Variants in CNTNAP2 observed in about 807,000 individuals in gnomAD.
The protein encoded by CNTNAP2 is contactin associated protein 2.
In CNTNAP2, 98 loss-of-function variants were observed where a neutral mutation model predicts 155.2. That is an observed-to-expected ratio of 0.63 (90% CI 0.54 to 0.75). The LOEUF is 0.75. CNTNAP2 is among the 30% of genes least tolerant of loss of function. The pLI is 0.00. For synonymous variants in CNTNAP2, 651 were observed against 631.2 expected (o/e 1.03, Z -0.47); for missense variants, 1,727 against 1,688.1 (o/e 1.02, Z -0.40).
At chr7:147,056,904 G>C (rs1205200352) in intron 4 of CNTNAP2, among the ~76,000 whole-genome samples, 1 of 152,010 alleles carries the variant, frequency 6.6e-6, no homozygotes, top group African/African-American at 2.4e-5. Context: ...TGAAGCAACT[G>C]GGACTACAGG....
At chr7:147,591,345 T>G (rs1168012471) in intron 12 of CNTNAP2, among the ~76,000 whole-genome samples, 1 of 152,120 alleles carries the variant, frequency 6.6e-6, no homozygotes, top group Non-Finnish European at 1.5e-5. Context: ...TCTCTTTGTG[T>G]TTTCAAATGG....
chr7:146,484,210 A>G (rs1376189455), intron 1 of CNTNAP2, among the ~76,000 whole-genome samples: 1 of 152,200 alleles, frequency 6.6e-6, no homozygotes, highest in Non-Finnish European at 1.5e-5. Flanking sequence ...AGTGGTGTGT[A>G]CCATTTAGGT....
chr7:146,899,519 C>T (rs75203551), intron 3 of CNTNAP2, among the ~76,000 whole-genome samples: 5,512 of 152,098 alleles, frequency 0.036, 118 homozygotes, highest in Middle Eastern at 0.085. Flanking sequence ...GTATTTTGTG[C>T]CCTTTGTTTT....
At chr7:146,919,922 T>A (rs755845508) in intron 3 of CNTNAP2, among the ~76,000 whole-genome samples, 1 of 152,210 alleles carries the variant, frequency 6.6e-6, no homozygotes, top group Middle Eastern at 3.2e-3. Flanking sequence ...GCTCTGTCCA[T>A]CTAAGTGGGA....
intron 1 of CNTNAP2, among the ~76,000 whole-genome samples, chr7:146,474,179 GTA>G (rs1796839773): frequency 1.3e-5 from 2 of 151,404 alleles, no homozygotes; most frequent in South Asian, 4.2e-4. Context: ...GGACTTCTGT[GTA>G]GATATTATTT....
chr7:147,580,468 C>T (rs1800477625), intron 12 of CNTNAP2, among the ~76,000 whole-genome samples: 1 of 152,182 alleles, frequency 6.6e-6, no homozygotes, highest in Non-Finnish European at 1.5e-5. Flanking sequence ...ACAGTCCATA[C>T]TTAAATGCTG....
chr7:148,091,945 T>C (rs368045092), intron 15 of CNTNAP2, among the ~76,000 whole-genome samples: 1 of 152,136 alleles, frequency 6.6e-6, no homozygotes, highest in South Asian at 2.1e-4. Flanking sequence ...TCCAGAGACA[T>C]GAAAATAAAG....
intron 8 of CNTNAP2, among the ~76,000 whole-genome samples, chr7:147,135,879 G>A (rs1395893560): frequency 6.6e-6 from 1 of 150,858 alleles, no homozygotes; most frequent in Non-Finnish European, 1.5e-5. Context: ...CTTATTTGAA[G>A]TGTTGGAATT....
At chr7:146,774,809 C>A (rs1237620446) in intron 2 of CNTNAP2, among the ~76,000 whole-genome samples, 1 of 152,048 alleles carries the variant, frequency 6.6e-6, no homozygotes, top group Admixed American at 6.6e-5. Context: ...AATGCAAATG[C>A]CCCTTGTAAT....
At chr7:146,686,458 A>G (rs1053396939) in intron 1 of CNTNAP2, among the ~76,000 whole-genome samples, 2 of 152,168 alleles carry the variant, frequency 1.3e-5, no homozygotes, top group Admixed American at 6.5e-5. Context: ...TTACCAACAA[A>G]TATTTATTAG....
At chr7:146,499,564 T>A (rs1464534418) in intron 1 of CNTNAP2, among the ~76,000 whole-genome samples, 4 of 152,114 alleles carry the variant, frequency 2.6e-5, no homozygotes, top group Admixed American at 6.6e-5. Context: ...ATTTTAGGAT[T>A]AGCTTCTTTT....
chr7:147,204,637 T>C (rs980926566), intron 8 of CNTNAP2, among the ~76,000 whole-genome samples: 1 of 152,102 alleles, frequency 6.6e-6, no homozygotes, highest in Admixed American at 6.6e-5. Flanking sequence ...GTACCTAGTG[T>C]TGATGATTTA....
intron 13 of CNTNAP2, among the ~76,000 whole-genome samples, chr7:147,833,149 CAA>C (rs1229837556): frequency 2.1e-5 from 3 of 141,536 alleles, no homozygotes; most frequent in Non-Finnish European, 4.6e-5. Flanking sequence ...TTTCATGAAA[CAA>C]TGATAACTGC....
intron 9 of CNTNAP2, among the ~76,000 whole-genome samples, chr7:147,312,101 A>C (rs973011579): frequency 2.0e-5 from 3 of 151,930 alleles, no homozygotes; most frequent in Non-Finnish European, 4.4e-5. Context: ...AGTTTGGTTT[A>C]CTCACGTAGT....
chr7:147,583,900 G>A (rs1362996718), intron 12 of CNTNAP2, among the ~76,000 whole-genome samples: 3 of 152,050 alleles, frequency 2.0e-5, no homozygotes, highest in African/African-American at 7.2e-5. Flanking sequence ...AGCCGAGACG[G>A]TGGCATGGGT....
At chr7:148,374,199 T>C (rs973407658) in intron 21 of CNTNAP2, among the ~76,000 whole-genome samples, 2 of 152,100 alleles carry the variant, frequency 1.3e-5, no homozygotes, top group African/African-American at 4.8e-5. Flanking sequence ...TCAAAGGATT[T>C]TTTTTTCTTC....
chr7:147,320,226 C>T (rs1337317175), intron 9 of CNTNAP2, among the ~76,000 whole-genome samples: 2 of 152,140 alleles, frequency 1.3e-5, no homozygotes, highest in Non-Finnish European at 1.5e-5. Flanking sequence ...TCTTTAAGGA[C>T]ACTTCCTGAA....
At chr7:147,948,207 A>G (rs962981038) in intron 14 of CNTNAP2, among the ~76,000 whole-genome samples, 7 of 149,424 alleles carry the variant, frequency 4.7e-5, no homozygotes, top group Admixed American at 4.6e-4. Flanking sequence ...TAATGAGTAG[A>G]AAAAAATAGA....
intron 12 of CNTNAP2, among the ~76,000 whole-genome samples, chr7:147,573,779 A>T (rs1330074335): frequency 6.6e-6 from 1 of 152,146 alleles, no homozygotes; most frequent in Non-Finnish European, 1.5e-5. Context: ...GTGTTTATTT[A>T]TCCAAGAATG....
Sources: allele counts gnomAD v4.1 joint callset (sites outside exome capture counted in the v4.1 genomes callset), GRCh38; gene constraint gnomAD v4.1.1; transcripts MANE v1.5; gene names NCBI Gene and HGNC (gene_info 2026-07-23, HGNC 2026-07-21).